Variants in C5orf63 observed in about 807,000 individuals in gnomAD.
The protein encoded by C5orf63 is glutaredoxin-like protein C5orf63.
In C5orf63, 18 loss-of-function variants were observed where a neutral mutation model predicts 13.3. That is an observed-to-expected ratio of 1.36 (90% confidence interval 0.94 to 2.01). C5orf63 has a LOEUF of 2.01. Among genes scored for constraint, C5orf63 ranks in the 30% most tolerant of loss-of-function variants. The pLI is 0.00. For synonymous variants in C5orf63, 38 were observed against 44.7 expected, an observed-to-expected ratio of 0.85 and a Z score of 0.60; for missense variants, 118 against 127.7, an observed-to-expected ratio of 0.92 and a Z score of 0.36.
At chr5:127,049,639 T>G (rs891977554), downstream of C5orf63, among the ~76,000 whole-genome samples, 2 of 152,236 alleles carry the variant, frequency 1.3e-5, no homozygotes, top group Non-Finnish European at 2.9e-5. Context: ...TCCCATCACC[T>G]ACTACGGTGC....
At chr5:127,065,538 G>C (rs1270554895) in intron 2 of C5orf63, among the ~76,000 whole-genome samples, 2 of 152,146 alleles carry the variant, frequency 1.3e-5, no homozygotes, top group African/African-American at 4.8e-5. Context: ...CTATCTGATG[G>C]GGGAAACCTT....
chr5:127,053,339 T>C (rs953011618), intron 3 of C5orf63, among the ~76,000 whole-genome samples: 1 of 152,054 alleles, frequency 6.6e-6, no homozygotes, highest in Admixed American at 6.6e-5. Flanking sequence ...TTGAGAATAC[T>C]ATGGATCGTC....
intron 2 of C5orf63, among the ~76,000 whole-genome samples, chr5:127,066,183 A>C (rs894591786): frequency 7.2e-5 from 11 of 152,070 alleles, no homozygotes; most frequent in Non-Finnish European, 1.5e-5. Flanking sequence ...AGGGGATACA[A>C]TCAGGAGACG....
At chr5:127,072,452 CTAA>C (rs1431391984) in intron 1 of C5orf63, among the ~76,000 whole-genome samples, 1 of 152,188 alleles carries the variant, frequency 6.6e-6, no homozygotes, top group Admixed American at 6.5e-5. Context: ...ACTGCGACCT[CTAA>C]TAGACACCTC....
At chr5:127,054,622 G>A (rs538766241) in intron 3 of C5orf63, among the ~76,000 whole-genome samples, 4 of 152,294 alleles carry the variant, frequency 2.6e-5, no homozygotes, top group South Asian at 4.1e-4. Context: ...GTTCTTTGTA[G>A]ATTCTGGATA....
At chr5:127,044,898 G>A (rs1753488012), downstream of C5orf63, 2 of 151,358 alleles carry the variant, frequency 1.3e-5, no homozygotes, top group African/African-American at 4.9e-5. Context: ...TTACAGGCAT[G>A]AGCCACCGTG....
chr5:127,042,892 T>C (rs1251297256), downstream of C5orf63: 1 of 152,216 alleles, frequency 6.6e-6, no homozygotes, highest in Non-Finnish European at 1.5e-5. Flanking sequence ...TGTTTAGTTT[T>C]TTTTCAATGT....
intron 2 of C5orf63, among the ~76,000 whole-genome samples, chr5:127,066,970 G>A (rs1231575974): frequency 6.6e-6 from 1 of 152,176 alleles, no homozygotes. Flanking sequence ...GGAGACTGAT[G>A]AGGGCTTGTC....
At chr5:127,055,926 AAT>A (rs2126886482) in intron 3 of C5orf63, among the ~76,000 whole-genome samples, 2 of 152,282 alleles carry the variant, frequency 1.3e-5, no homozygotes, top group East Asian at 3.9e-4. Context: ...AGGCTCATCA[AAT>A]TTTAAAACAA....
chr5:127,051,945 G>C lies in C5orf63; in HGVS notation c.174C>G (p.Phe58Leu), dbSNP rs1753691868. Residue 58 changes from phenylalanine to leucine, a missense_variant and splice_region_variant, in exon 5 of 5, where the codon TTC becomes TTG. Coordinates refer to ENST00000296662, the MANE Select transcript of C5orf63 (RefSeq NM_001164478.2). ...KEVLKPYENR[F>L]ILQEVNITLP... The stretch of plus-strand genomic sequence containing the variant: ...GTGTGATGTTCACCTCCTGTAAAAT[G>C]AACTGAAACAGAGACAGACTAAAGC... 1 of 1,500,478 alleles carries C rather than the reference G, an allele frequency of 6.7e-7. No homozygotes were observed. The highest frequency in any genetic ancestry group is 8.9e-7 in the Non-Finnish European group (1 of 1,129,474). 92.9% of individuals were successfully genotyped at this position (1,500,478 alleles called of 1,614,324 possible).
intron 2 of C5orf63, among the ~76,000 whole-genome samples, chr5:127,069,459 C>T (rs1754452581): frequency 6.6e-6 from 1 of 152,172 alleles, no homozygotes; most frequent in Non-Finnish European, 1.5e-5. Flanking sequence ...AAAAACCATC[C>T]ACCCAGGCAA....
chr5:127,057,020 T>C (rs1029712939), intron 3 of C5orf63, among the ~76,000 whole-genome samples: 1 of 152,224 alleles, frequency 6.6e-6, no homozygotes, highest in Non-Finnish European at 1.5e-5. Flanking sequence ...TCTGGCTATA[T>C]AAACTGCTGC....
chr5:127,068,513 A>G (rs1754410785), intron 2 of C5orf63, among the ~76,000 whole-genome samples: 1 of 152,192 alleles, frequency 6.6e-6, no homozygotes. Context: ...CTCTCCCTAC[A>G]AAGAAAAAAT....
chr5:127,050,946 A>C (rs2126880496), downstream of C5orf63, among the ~76,000 whole-genome samples: 1 of 152,346 alleles, frequency 6.6e-6, no homozygotes, highest in Non-Finnish European at 1.5e-5. Context: ...CATTTCTAAC[A>C]CTTTACATAG....
At chr5:127,054,392 C>A (rs191844725) in intron 3 of C5orf63, among the ~76,000 whole-genome samples, 11 of 152,282 alleles carry the variant, frequency 7.2e-5, no homozygotes, top group Non-Finnish European at 1.3e-4. Context: ...TCCTCTCCAG[C>A]ACCTGTTGTT....
chr5:127,059,458 T>A (rs1341013163), intron 2 of C5orf63, among the ~76,000 whole-genome samples: 1 of 152,172 alleles, frequency 6.6e-6, no homozygotes, highest in African/African-American at 2.4e-5. Flanking sequence ...CCAGATGCCA[T>A]GGCTCACACC....
chr5:127,069,212 C>T (rs1754440336), intron 2 of C5orf63, among the ~76,000 whole-genome samples: 9 of 152,168 alleles, frequency 5.9e-5, no homozygotes, highest in Admixed American at 5.9e-4. Flanking sequence ...CAAAATCATT[C>T]TAGTTCAAGG....
intron 1 of C5orf63, among the ~76,000 whole-genome samples, chr5:127,072,545 C>T (rs1346752210): frequency 2.6e-5 from 4 of 152,094 alleles, no homozygotes; most frequent in African/African-American, 9.7e-5. Flanking sequence ...CTGGGAAATG[C>T]GCTAGAAAGT....
At chr5:127,060,933 T>C (rs1252281996) in intron 2 of C5orf63, among the ~76,000 whole-genome samples, 2 of 152,216 alleles carry the variant, frequency 1.3e-5, no homozygotes, top group Non-Finnish European at 2.9e-5. Flanking sequence ...GAACAGGTAC[T>C]TGTTCAACCC....
Sources: gnomAD v4.1 joint callset for allele counts (sites outside exome capture counted in the v4.1 genomes callset) on GRCh38, gnomAD v4.1.1 for gene constraint, MANE v1.5 for transcripts, NCBI Gene and HGNC (gene_info 2026-07-23, HGNC 2026-07-21) for gene names.